The following PCDH15 variants were observed in gnomAD, a reference collection of about 807,000 sequenced individuals.
PCDH15 encodes the protein protocadherin-15.
A neutral mutation model predicts 178.5 loss-of-function variants in PCDH15; 129 were observed. The observed-to-expected ratio is 0.72, with a 90% confidence interval of 0.63 to 0.84. The LOEUF is 0.84. PCDH15 is among the 40% of genes least tolerant of loss of function. The pLI is 0.00. For synonymous variants in PCDH15, 800 were observed against 732.0 expected, an observed-to-expected ratio of 1.09 and a Z score of -1.50; for missense variants, 2,230 against 2,099.9, an observed-to-expected ratio of 1.06 and a Z score of -1.21.
At chr10:53,996,061 A>C (rs2091830721) in intron 20 of PCDH15, among the ~76,000 whole-genome samples, 1 of 152,162 alleles carries the variant, frequency 6.6e-6, no homozygotes, top group Non-Finnish European at 1.5e-5. Flanking sequence ...TCTAACTTCT[A>C]ATGGTAAGAG....
rs1268979616 is a variant in PCDH15 at position 53,959,774 on chromosome 10, A to G, written c.3080T>C (p.Leu1027Ser). The G allele has an allele frequency of 6.2e-7, 1 of 1,614,036 alleles. No individual in the cohort carries two copies. Among genetic ancestry groups the G allele is most frequent in the Admixed American group, 1.7e-5 (1 of 60,024 alleles). ...SSSATVKILV[L>S]HPGEIPRFTQ... ...GAAGCGTGGGATCTCACCAGGATGT[A>G]AGACAAGAATCTTCACTGTGGCACT... The change falls in exon 23 of 38, where the codon TTA becomes TCA. Residue 1027 changes from leucine (L) to serine (S), a missense_variant. Transcript: ENST00000644397.
chr10:54,467,288 G>A (rs2077581510), intron 3 of PCDH15, among the ~76,000 whole-genome samples: 1 of 151,680 alleles, frequency 6.6e-6, no homozygotes, highest in Non-Finnish European at 1.5e-5. Context: ...TGTTAGCTAT[G>A]AGTTTTTCAC....
At chr10:54,203,232 A>C (rs1237644285) in intron 10 of PCDH15, among the ~76,000 whole-genome samples, 3 of 152,212 alleles carry the variant, frequency 2.0e-5, no homozygotes, top group Non-Finnish European at 4.4e-5. Flanking sequence ...ATGTGACTCT[A>C]GCATTACCAA....
chr10:54,484,072 G>A (rs1231310228), intron 3 of PCDH15, among the ~76,000 whole-genome samples: 1 of 151,760 alleles, frequency 6.6e-6, no homozygotes, highest in Non-Finnish European at 1.5e-5. Context: ...CCACTTTAAG[G>A]AGGAAAAATT....
At chr10:54,251,054 T>C (rs1266028658) in intron 8 of PCDH15, among the ~76,000 whole-genome samples, 1 of 152,230 alleles carries the variant, frequency 6.6e-6, no homozygotes, top group Non-Finnish European at 1.5e-5. Context: ...GTACTTTTAT[T>C]CTGAAGATAA....
At chr10:53,821,641 C>A in intron 32 of PCDH15, 1 of 1,299,938 alleles carries the variant, frequency 7.7e-7, no homozygotes, top group Non-Finnish European at 9.8e-7. Context: ...ACAAATTATG[C>A]TACTTTGTAG....
intron 2 of PCDH15, among the ~76,000 whole-genome samples, chr10:55,134,200 A>G (rs895661855): frequency 2.0e-5 from 3 of 152,026 alleles, no homozygotes; most frequent in African/African-American, 7.2e-5. Context: ...GAGCCTTGCT[A>G]TTCATCCAAG....
chr10:55,622,181 A>ATCTATAAATATATATAT (rs1463817659), intron 2 of PCDH15, among the ~76,000 whole-genome samples: 1 of 133,148 alleles, frequency 7.5e-6, no homozygotes, highest in Non-Finnish European at 1.6e-5. Context: ...TATTATATAT[A>ATCTATAAATATATATAT]TATACATTTT....
At chr10:55,056,223 C>G (rs577853119) in intron 2 of PCDH15, among the ~76,000 whole-genome samples, 2 of 152,262 alleles carry the variant, frequency 1.3e-5, no homozygotes, top group Admixed American at 1.3e-4. Flanking sequence ...AAATGAACAA[C>G]AACACCACCA....
At chr10:55,335,712 T>G (rs1844367139) in intron 2 of PCDH15, among the ~76,000 whole-genome samples, 1 of 152,012 alleles carries the variant, frequency 6.6e-6, no homozygotes, top group South Asian at 2.1e-4. Flanking sequence ...CCAAAGGAAA[T>G]TATAAACTAT....
chr10:54,979,021 A>G (rs1213200951), intron 2 of PCDH15, among the ~76,000 whole-genome samples: 1 of 152,188 alleles, frequency 6.6e-6, no homozygotes, highest in Non-Finnish European at 1.5e-5. Flanking sequence ...TTTAGCTACA[A>G]TCTTGTGATG....
chr10:53,821,826 A>G (rs1477273924), intron 32 of PCDH15: 2 of 1,610,088 alleles, frequency 1.2e-6, no homozygotes, highest in Admixed American at 1.7e-5. Flanking sequence ...GATCAACAAG[A>G]GGTTTGCCCG....
chr10:55,186,059 A>C (rs1376671313), intron 1 of PCDH15, among the ~76,000 whole-genome samples: 1 of 151,760 alleles, frequency 6.6e-6, no homozygotes, highest in Non-Finnish European at 1.5e-5. Context: ...GTCATCAAGG[A>C]TGTCAACAAT....
At chr10:54,189,080 G>T (rs1360227370) in intron 11 of PCDH15, among the ~76,000 whole-genome samples, 1 of 151,818 alleles carries the variant, frequency 6.6e-6, no homozygotes, top group East Asian at 1.9e-4. Flanking sequence ...TAATAATTAA[G>T]CAGTCTTTGC....
intron 1 of PCDH15, among the ~76,000 whole-genome samples, chr10:54,669,889 C>A (rs748612509): frequency 1.3e-5 from 2 of 151,614 alleles, no homozygotes; most frequent in Non-Finnish European, 2.9e-5. Flanking sequence ...CCCATCTCTA[C>A]TAAAAATATA....
chr10:55,289,473 G>C (rs544058075), intron 1 of PCDH15, among the ~76,000 whole-genome samples: 1 of 151,600 alleles, frequency 6.6e-6, no homozygotes, highest in South Asian at 2.1e-4. Context: ...GAGAGAGTGA[G>C]GAAGGGAGGG....
At chr10:55,547,910 T>TGTGTGTGAGAGAGAGAGAGGGAGA (rs541144266) in intron 2 of PCDH15, among the ~76,000 whole-genome samples, 1 of 54,508 alleles carries the variant, frequency 1.8e-5, no homozygotes, top group Non-Finnish European at 3.4e-5. Context: ...TGTGTGTGTG[T>TGTGTGTGAGAGAGAGAGAGGGAGA]GAGAGAGAGA....
At chr10:54,402,438 T>A (rs1952049051) in intron 3 of PCDH15, among the ~76,000 whole-genome samples, 1 of 151,998 alleles carries the variant, frequency 6.6e-6, no homozygotes, top group Admixed American at 6.6e-5. Context: ...CGTTTATGTA[T>A]AAAATATTAA....
At chr10:54,276,255 A>G (rs2058346122) in intron 8 of PCDH15, among the ~76,000 whole-genome samples, 1 of 151,808 alleles carries the variant, frequency 6.6e-6, no homozygotes, top group South Asian at 2.1e-4. Flanking sequence ...TAACTAGCAA[A>G]TAATTAGTAT....
Sources: gnomAD v4.1 joint callset for allele counts (sites outside exome capture counted in the v4.1 genomes callset) on GRCh38, gnomAD v4.1.1 for gene constraint, MANE v1.5 for transcripts, NCBI Gene and HGNC (gene_info 2026-07-23, HGNC 2026-07-21) for gene names.